Variants in BMP2K observed in about 807,000 individuals in gnomAD.
BMP2K encodes BMP-2-inducible protein kinase.
In BMP2K, 74 loss-of-function variants were observed where a neutral mutation model predicts 116.0. That is an observed-to-expected ratio of 0.64 (90% CI 0.53 to 0.77). BMP2K has a LOEUF of 0.77. Ranked by LOEUF, BMP2K falls within the 30% of genes least tolerant of loss-of-function variation. The pLI is 0.00. For missense variants in BMP2K, 1,365 were observed against 1,403.6 expected (o/e 0.97, Z 0.44); for synonymous variants, 486 against 502.5 (o/e 0.97, Z 0.44).
intron 1 of BMP2K, among the ~76,000 whole-genome samples, chr4:78,789,682 T>A (rs1304192540): frequency 1.3e-5 from 2 of 152,234 alleles, no homozygotes; most frequent in East Asian, 3.8e-4. Flanking sequence ...CGATTAATTT[T>A]AAAAGTTTAA....
intron 2 of BMP2K, among the ~76,000 whole-genome samples, chr4:78,829,347 C>T (rs1314849989): frequency 6.6e-6 from 1 of 152,032 alleles, no homozygotes; most frequent in Non-Finnish European, 1.5e-5. Context: ...GAAGCAGCTC[C>T]TCATTTCACA....
At chr4:78,822,700 A>G (rs1304604830) in intron 1 of BMP2K, among the ~76,000 whole-genome samples, 1 of 152,144 alleles carries the variant, frequency 6.6e-6, no homozygotes, top group African/African-American at 2.4e-5. Flanking sequence ...TTGGACATAT[A>G]TATGTAGAGT....
chr4:78,781,790 C>T (rs2109916985), intron 1 of BMP2K, among the ~76,000 whole-genome samples: 1 of 152,152 alleles, frequency 6.6e-6, no homozygotes, highest in East Asian at 1.9e-4. Flanking sequence ...GTGAGGCCCA[C>T]TCTTTCAGTG....
intron 14 of BMP2K, among the ~76,000 whole-genome samples, chr4:78,885,746 G>A (rs1261427442): frequency 6.6e-6 from 1 of 152,166 alleles, no homozygotes; most frequent in Non-Finnish European, 1.5e-5. Flanking sequence ...TATCTGGAAA[G>A]GAGGTAGAAT....
chr4:78,816,130 A>G (rs990636018), intron 1 of BMP2K, among the ~76,000 whole-genome samples: 1 of 152,000 alleles, frequency 6.6e-6, no homozygotes, highest in Non-Finnish European at 1.5e-5. Context: ...TTCTGTAATC[A>G]TTTTCCTCTT....
In BMP2K at chr4:78,912,207, A is replaced by C; in HGVS notation, c.*174A>C. 2 of 601,152 alleles carry C rather than the reference A, an allele frequency of 3.3e-6. No individual in the cohort carries two copies. The highest frequency in any genetic ancestry group is 5.6e-6 in the Non-Finnish European group (2 of 357,466). The allele number at this position is 601,152 out of a possible 1,614,324, so 37.2% of individuals were successfully genotyped here. A position where few individuals can be genotyped will look rare whatever the true frequency, so the allele number is the denominator to read the frequency against. On this transcript the variant is annotated 3_prime_UTR_variant, in exon 16 of 16. Coordinates refer to ENST00000502613, the MANE Select transcript of BMP2K (RefSeq NM_198892.2). ...AATGAAGTATCTCTACAGGGTAGTA[A>C]CTTGATTCCTCTTCAGGAGAAAAGG...
chr4:78,787,503 T>C (rs1727786010), intron 1 of BMP2K, among the ~76,000 whole-genome samples: 1 of 152,202 alleles, frequency 6.6e-6, no homozygotes, highest in African/African-American at 2.4e-5. Flanking sequence ...CTGGGTAGTC[T>C]AAAGTATGTG....
At chr4:78,825,797 T>C (rs1313362233) in intron 1 of BMP2K, among the ~76,000 whole-genome samples, 1 of 152,218 alleles carries the variant, frequency 6.6e-6, no homozygotes, top group Non-Finnish European at 1.5e-5. Flanking sequence ...AAAGGTGAAA[T>C]TTTAGCCTTT....
intron 1 of BMP2K, among the ~76,000 whole-genome samples, chr4:78,781,411 A>G (rs1412792022): frequency 2.0e-5 from 3 of 152,092 alleles, no homozygotes. Context: ...TTGGGAACAT[A>G]AGGAAGGAAC....
At chr4:78,814,858 G>A (rs1290724166) in intron 1 of BMP2K, among the ~76,000 whole-genome samples, 1 of 151,882 alleles carries the variant, frequency 6.6e-6, no homozygotes, top group African/African-American at 2.4e-5. Flanking sequence ...TACTACATTT[G>A]ATATTATTAT....
At chr4:78,843,720 A>G (rs932530870) in intron 4 of BMP2K, among the ~76,000 whole-genome samples, 4 of 151,858 alleles carry the variant, frequency 2.6e-5, no homozygotes, top group South Asian at 2.1e-4. Flanking sequence ...AGTGTAGTTC[A>G]TGTTAGTTCT....
Position 78,850,973 on chromosome 4 carries a change from G to GT in BMP2K, c.801dup (p.Glu268Ter). On this transcript the variant is annotated frameshift_variant, in exon 7 of 16. Coordinates refer to ENST00000502613, the MANE Select transcript of BMP2K (RefSeq NM_198892.2). LOFTEE classifies it high-confidence loss of function. ...CTTTGTTTCTTCACTCTTCCTTTTG[G>GT]TGAGAGTCAGGTTGCTATCTGTGAT... 6.2e-7 allele frequency: 1 copy of GT among 1,612,122 alleles called. No individual in the cohort carries two copies. The highest frequency in any genetic ancestry group is 8.5e-7 in the Non-Finnish European group (1 of 1,178,822).
chr4:78,863,359 C>T (rs1159535722), intron 9 of BMP2K, among the ~76,000 whole-genome samples: 3 of 152,090 alleles, frequency 2.0e-5, no homozygotes, highest in African/African-American at 7.2e-5. Flanking sequence ...TCATTACCCA[C>T]GTTTTCAAAA....
chr4:78,793,147 C>T (rs1489014983), intron 1 of BMP2K, among the ~76,000 whole-genome samples: 1 of 152,076 alleles, frequency 6.6e-6, no homozygotes, highest in Non-Finnish European at 1.5e-5. Context: ...TGCGGTGGCT[C>T]AAGCCTGTAA....
chr4:78,792,616 C>T (rs1474887234), intron 1 of BMP2K, among the ~76,000 whole-genome samples: 1 of 151,772 alleles, frequency 6.6e-6, no homozygotes, highest in African/African-American at 2.4e-5. Flanking sequence ...TTCCCTATTA[C>T]TTTAAAAGCC....
chr4:78,784,745 A>G (rs913698990), intron 1 of BMP2K, among the ~76,000 whole-genome samples: 1 of 152,242 alleles, frequency 6.6e-6, no homozygotes, highest in African/African-American at 2.4e-5. Context: ...TATCTTTGAA[A>G]TAGTGCCTTC....
intron 8 of BMP2K, among the ~76,000 whole-genome samples, chr4:78,860,271 G>A (rs1271192324): frequency 6.6e-6 from 1 of 151,746 alleles, no homozygotes; most frequent in African/African-American, 2.4e-5. Flanking sequence ...TAAAAGCCCA[G>A]ACTTCACCAT....
chr4:78,850,219 A>G (rs1458992641), intron 6 of BMP2K, among the ~76,000 whole-genome samples: 1 of 151,798 alleles, frequency 6.6e-6, no homozygotes, highest in African/African-American at 2.4e-5. Context: ...TGCTACTTTT[A>G]TAGATGCAAT....
rs1728129748 is a variant in BMP2K, at chr4:78,793,937, C to A, written c.178+17216C>A. On this transcript the variant is annotated intron_variant, in intron 1 of 15. Coordinates refer to ENST00000502613, the MANE Select transcript of BMP2K (RefSeq NM_198892.2). ...TATATGTGGCTCACATTATATTGGA[C>A]ATACTGGACAGTGCTGATCTATAGT... is the stretch of plus-strand genomic sequence containing the variant. Among the ~76,000 whole-genome samples the A allele has an allele frequency of 2.6e-5, 4 of 152,088 alleles. No individual in the cohort carries two copies. In the South Asian group the frequency reaches 8.3e-4, roughly 32 times the overall value.
Sources: allele counts gnomAD v4.1 joint callset (sites outside exome capture counted in the v4.1 genomes callset), GRCh38; gene constraint gnomAD v4.1.1; transcripts MANE v1.5; gene names NCBI Gene and HGNC (gene_info 2026-07-23, HGNC 2026-07-21).